Variants in ASAP1 observed in about 807,000 individuals in gnomAD.
The protein encoded by ASAP1 is ArfGAP with SH3 domain, ankyrin repeat and PH domain 1.
In ASAP1, 43 loss-of-function variants were observed where a neutral mutation model predicts 145.2. That is an observed-to-expected ratio of 0.30 (90% CI 0.23 to 0.38). The LOEUF is 0.38. Among genes scored for constraint, ASAP1 ranks in the 10% least tolerant of loss-of-function variants. ASAP1 has a pLI of 1.00. For missense variants in ASAP1, 1,018 were observed against 1,355.3 expected (o/e 0.75, Z 3.91); for synonymous variants, 546 against 515.5 (o/e 1.06, Z -0.80).
At chr8:130,225,193 A>G (rs935715580) in intron 4 of ASAP1, among the ~76,000 whole-genome samples, 1 of 152,166 alleles carries the variant, frequency 6.6e-6, no homozygotes, top group Admixed American at 6.5e-5. Flanking sequence ...CTTTTATAAT[A>G]TGTGTTGCAA....
At chr8:130,247,993 G>A (rs17211799) in intron 3 of ASAP1, among the ~76,000 whole-genome samples, 8,420 of 152,212 alleles carry the variant, frequency 0.055, 324 homozygotes, top group Non-Finnish European at 0.081. Context: ...AAGCTTCCAG[G>A]TGCCCTTTAA....
At chr8:130,163,616 C>T (rs1175981064) in intron 11 of ASAP1, among the ~76,000 whole-genome samples, 1 of 152,164 alleles carries the variant, frequency 6.6e-6, no homozygotes, top group East Asian at 1.9e-4. Context: ...GGCCATTCAG[C>T]TTGCTAAGCA....
chr8:130,422,811 TGGA>T (rs1401565308), intron 1 of ASAP1, among the ~76,000 whole-genome samples: 1 of 152,246 alleles, frequency 6.6e-6, no homozygotes. Flanking sequence ...TTCTGGGACT[TGGA>T]GCAAGCCAGT....
intron 3 of ASAP1, among the ~76,000 whole-genome samples, chr8:130,304,747 C>T (rs1332725518): frequency 6.6e-6 from 1 of 152,192 alleles, no homozygotes; most frequent in Non-Finnish European, 1.5e-5. Context: ...ACCCTCTTTC[C>T]ACCTCATACT....
intron 1 of ASAP1, among the ~76,000 whole-genome samples, chr8:130,424,507 A>G (rs1168195807): frequency 6.6e-6 from 1 of 152,220 alleles, no homozygotes; most frequent in Non-Finnish European, 1.5e-5. Flanking sequence ...TTGTAGGCTC[A>G]GCGTTTGTTT....
chr8:130,159,766 T>C (rs2097665409), intron 12 of ASAP1, 98 bp downstream of exon 12: 3 of 899,550 alleles, frequency 3.3e-6, no homozygotes, highest in Non-Finnish European at 5.5e-6. Flanking sequence ...CTGCAGCTAG[T>C]GTATTATAAA....
chr8:130,113,927 G>A (rs1040783528), intron 23 of ASAP1, among the ~76,000 whole-genome samples: 5 of 151,824 alleles, frequency 3.3e-5, no homozygotes, highest in African/African-American at 1.2e-4. Flanking sequence ...GACCACAGGC[G>A]CACACCACCA....
chr8:130,203,239 T>C (rs541979982), intron 5 of ASAP1, among the ~76,000 whole-genome samples: 23 of 152,334 alleles, frequency 1.5e-4, no homozygotes, highest in Non-Finnish European at 2.8e-4. Context: ...AAGCACTGCA[T>C]TGGACAAGTT....
intron 2 of ASAP1, among the ~76,000 whole-genome samples, chr8:130,359,373 A>G (rs1826584203): frequency 6.6e-6 from 1 of 152,126 alleles, no homozygotes; most frequent in South Asian, 2.1e-4. Context: ...AACTAGCTCA[A>G]TCTACTTAGT....
At chr8:130,071,047 A>AGAGAGAGAGAGAG (rs1491183461) in intron 27 of ASAP1, among the ~76,000 whole-genome samples, 7 of 133,732 alleles carry the variant, frequency 5.2e-5, no homozygotes, top group Non-Finnish European at 8.1e-5. Context: ...AGAGAGAGAG[A>AGAGAGAGAGAGAG]AAGCAGAGTT....
At chr8:130,239,071 T>C (rs1344017130) in intron 3 of ASAP1, among the ~76,000 whole-genome samples, 1 of 152,118 alleles carries the variant, frequency 6.6e-6, no homozygotes, top group African/African-American at 2.4e-5. Flanking sequence ...TCACTTACCA[T>C]TGATAGAAGA....
intron 1 of ASAP1, among the ~76,000 whole-genome samples, chr8:130,410,954 G>A (rs1398539939): frequency 5.3e-5 from 8 of 152,138 alleles, no homozygotes; most frequent in African/African-American, 9.7e-5. Context: ...TCCGTCTCCC[G>A]GGTTCAAGCA....
intron 2 of ASAP1, among the ~76,000 whole-genome samples, chr8:130,387,846 G>A (rs1446967153): frequency 3.3e-5 from 5 of 152,208 alleles, no homozygotes; most frequent in Non-Finnish European, 7.3e-5. Flanking sequence ...GAACATCTAT[G>A]TACCAGACTC....
chr8:130,227,086 A>G (rs2136559592), intron 4 of ASAP1, among the ~76,000 whole-genome samples: 1 of 152,332 alleles, frequency 6.6e-6, no homozygotes, highest in South Asian at 2.1e-4. Flanking sequence ...TAGTGTTTAG[A>G]ATTATGGCCT....
intron 4 of ASAP1, among the ~76,000 whole-genome samples, chr8:130,236,519 A>G (rs1818224713): frequency 6.6e-6 from 1 of 152,090 alleles, no homozygotes; most frequent in Non-Finnish European, 1.5e-5. Context: ...AACTTTTTCC[A>G]CAACCATCGC....
intron 24 of ASAP1, among the ~76,000 whole-genome samples, chr8:130,106,036 A>T (rs2097536366): frequency 6.6e-6 from 1 of 152,230 alleles, no homozygotes; most frequent in Admixed American, 6.5e-5. Flanking sequence ...CCTGGCAGTC[A>T]GGTGACTTAG....
intron 1 of ASAP1, among the ~76,000 whole-genome samples, chr8:130,407,105 C>T (rs919100815): frequency 7.2e-5 from 11 of 152,126 alleles, no homozygotes; most frequent in Non-Finnish European, 5.9e-5. Flanking sequence ...GTTGGCTCCC[C>T]GTAACTGATG....
At chr8:130,329,824 T>C (rs191176673) in intron 3 of ASAP1, among the ~76,000 whole-genome samples, 1 of 152,356 alleles carries the variant, frequency 6.6e-6, no homozygotes, top group African/African-American at 2.4e-5. Flanking sequence ...TTCTAAGTTC[T>C]CCTTGGAGGA....
At chr8:130,292,585 A>G (rs1174811124) in intron 3 of ASAP1, among the ~76,000 whole-genome samples, 1 of 152,260 alleles carries the variant, frequency 6.6e-6, no homozygotes, top group Non-Finnish European at 1.5e-5. Flanking sequence ...TCAAGAGGTG[A>G]TTATTGCAGA....
Sources: gnomAD v4.1 joint callset for allele counts (sites outside exome capture counted in the v4.1 genomes callset) on GRCh38, gnomAD v4.1.1 for gene constraint, MANE v1.5 for transcripts, NCBI Gene and HGNC (gene_info 2026-07-23, HGNC 2026-07-21) for gene names.